The following SCNN1B variants were observed in gnomAD, a reference collection of about 807,000 sequenced individuals.
The protein encoded by SCNN1B is epithelial sodium channel subunit beta.
In SCNN1B, 46 loss-of-function variants were observed where a neutral mutation model predicts 65.3. The ratio of observed to expected loss-of-function variants is 0.70; its 90% confidence interval spans 0.56 to 0.90. The LOEUF (loss-of-function observed/expected upper bound fraction) is 0.90, where lower values mean the gene tolerates loss of function less well. Ranked by LOEUF, SCNN1B falls within the 40% of genes least tolerant of loss-of-function variation. SCNN1B has a pLI of 0.00. For synonymous variants in SCNN1B, 349 were observed against 330.6 expected, an observed-to-expected ratio of 1.06 and a Z score of -0.60; for missense variants, 751 against 830.5, an observed-to-expected ratio of 0.90 and a Z score of 1.18.
intron 2 of SCNN1B, among the ~76,000 whole-genome samples, chr16:23,294,491 C>T (rs957219058): frequency 7.0e-6 from 1 of 143,592 alleles, no homozygotes; most frequent in Non-Finnish European, 1.5e-5. Context: ...CTGAACCCCC[C>T]TCTTAGTCTC....
At chr16:23,360,063 T>TGCAGTGG (rs1962506795) in intron 4 of SCNN1B, among the ~76,000 whole-genome samples, 1 of 151,034 alleles carries the variant, frequency 6.6e-6, no homozygotes, top group Non-Finnish European at 1.5e-5. Context: ...ATTAGCTGGG[T>TGCAGTGG]GCAGTGGCTC....
intron 4 of SCNN1B, among the ~76,000 whole-genome samples, chr16:23,363,817 CA>C (rs113389996): frequency 7.6e-4 from 97 of 127,956 alleles, no homozygotes; most frequent in Non-Finnish European, 7.4e-4. Context: ...CTGTCTCTAC[CA>C]AAAAAAAAAA....
intron 2 of SCNN1B, among the ~76,000 whole-genome samples, chr16:23,283,980 C>T (rs539254315): frequency 1.3e-5 from 2 of 152,304 alleles, no homozygotes; most frequent in East Asian, 1.9e-4. Flanking sequence ...ATTTGGGGAA[C>T]GAAGGACCGC....
At chr16:23,292,579 C>T (rs767456988) in intron 2 of SCNN1B, among the ~76,000 whole-genome samples, 2 of 152,002 alleles carry the variant, frequency 1.3e-5, no homozygotes, top group Non-Finnish European at 2.9e-5. Flanking sequence ...TCATAGTTCA[C>T]TGCAGTGAAT....
intron 1 of SCNN1B, among the ~76,000 whole-genome samples, chr16:23,302,680 C>A (rs1961110297): frequency 2.0e-5 from 3 of 152,126 alleles, no homozygotes. Flanking sequence ...GCAGACGGGG[C>A]CAGGGTCCCC....
At chr16:23,305,565 TATATATATATATTA>T (rs1567290391) in intron 1 of SCNN1B, among the ~76,000 whole-genome samples, 30 of 54,186 alleles carry the variant, frequency 5.5e-4, no homozygotes, top group South Asian at 2.0e-3. Flanking sequence ...TATATATATA[TATATATATATATTA>T]TATATATATA....
intron 4 of SCNN1B, among the ~76,000 whole-genome samples, chr16:23,361,908 C>T (rs1011521443): frequency 6.6e-6 from 1 of 151,916 alleles, no homozygotes; most frequent in African/African-American, 2.4e-5. Flanking sequence ...GAGATGGGGT[C>T]TCCCTATGTT....
At chr16:23,342,232 C>A (rs1962068860) in intron 1 of SCNN1B, among the ~76,000 whole-genome samples, 1 of 152,178 alleles carries the variant, frequency 6.6e-6, no homozygotes, top group Non-Finnish European at 1.5e-5. Context: ...TCAGAAAAGA[C>A]CACACATTGT....
intron 1 of SCNN1B, among the ~76,000 whole-genome samples, chr16:23,331,325 CTTT>C (rs112461468): frequency 3.6e-5 from 5 of 138,140 alleles, no homozygotes; most frequent in Non-Finnish European, 4.7e-5. Flanking sequence ...TTCCTAGTCA[CTTT>C]TTTTTTTTTT....
intron 1 of SCNN1B, among the ~76,000 whole-genome samples, chr16:23,341,675 T>C (rs1962057378): frequency 6.6e-6 from 1 of 152,162 alleles, no homozygotes; most frequent in Non-Finnish European, 1.5e-5. Flanking sequence ...CCAAAGAAGA[T>C]ATACTGGCCA....
intron 1 of SCNN1B, among the ~76,000 whole-genome samples, chr16:23,326,902 C>T (rs528059445): frequency 6.6e-6 from 1 of 152,030 alleles, no homozygotes; most frequent in South Asian, 2.1e-4. Flanking sequence ...CATTCCTAAC[C>T]CCTCTCCTAC....
At position 23,348,639 on chromosome 16, in the gene SCNN1B, C is replaced by G; in HGVS notation, c.40C>G (p.Leu14Val). Residue 14 changes from leucine to valine, a missense_variant, in exon 2 of 13, where the codon CTG becomes GTG. By Grantham distance (32) the Leu-to-Val change is conservative. Transcript: ENST00000343070. The surrounding 1 kb of genome is among the most constrained non-coding windows in gnomAD (Gnocchi z 4.5). ...GTACCTGCTGAAGGGCCTGCATCGG[C>G]TGCAGAAGGGCCCCGGCTACACGTA... ...KKYLLKGLHRLQKGPGYTYKE... is the reference protein window; with the variant it reads ...KKYLLKGLHRVQKGPGYTYKE... 1 of 1,613,498 alleles carries G rather than the reference C, an allele frequency of 6.2e-7. No individual in the cohort carries two copies. Among genetic ancestry groups the G allele is most frequent in the Non-Finnish European group, 8.5e-7 (1 of 1,179,962 alleles).
chr16:23,292,389 G>T (rs561562929), intron 2 of SCNN1B, among the ~76,000 whole-genome samples: 1 of 151,566 alleles, frequency 6.6e-6, no homozygotes, highest in Admixed American at 6.6e-5. Flanking sequence ...AGTAGAGACG[G>T]GGTTTCACTG....
intron 1 of SCNN1B, among the ~76,000 whole-genome samples, chr16:23,309,410 T>TGATAGATAGATAGATAGATA (rs58532372): frequency 1.3e-4 from 19 of 150,934 alleles, no homozygotes; most frequent in South Asian, 2.1e-4. Flanking sequence ...AGATAAATGA[T>TGATAGATAGATAGATAGATA]GATAGATAGA....
At chr16:23,339,523 C>T (rs541461878) in intron 1 of SCNN1B, among the ~76,000 whole-genome samples, 4 of 152,074 alleles carry the variant, frequency 2.6e-5, no homozygotes, top group East Asian at 1.9e-4. Context: ...GCTGGGATTA[C>T]AGGCGTGAAC....
intron 11 of SCNN1B, among the ~76,000 whole-genome samples, chr16:23,379,717 C>A (rs767496284): frequency 6.6e-6 from 1 of 152,144 alleles, no homozygotes; most frequent in Non-Finnish European, 1.5e-5. Flanking sequence ...GAGCTCAGAG[C>A]AGATCTTTGG....
Position 23,356,625 on chromosome 16 carries a change from T to TA in SCNN1B, c.776+1148dup, listed in dbSNP as rs932663480. On this transcript the variant is annotated intron_variant, in intron 4 of 12. Coordinates refer to ENST00000343070, the MANE Select transcript of SCNN1B (RefSeq NM_000336.3). ...GGTGACAGAATGAGACCCTGTCTCT[T>TA]AAAAAAAAAAAACAAAAAACAAAAA... Among the ~76,000 whole-genome samples the TA allele has an allele frequency of 2.4e-3, 104 of 43,842 alleles. No homozygotes were observed. In the East Asian group the frequency reaches 0.048, roughly 20 times the overall value. 28.8% of individuals were successfully genotyped at this position (43,842 alleles called of 152,430 possible). A position where few individuals can be genotyped will look rare whatever the true frequency, so the allele number is the denominator to read the frequency against.
At chr16:23,344,972 C>A (rs938214449) in intron 1 of SCNN1B, among the ~76,000 whole-genome samples, 4 of 151,442 alleles carry the variant, frequency 2.6e-5, no homozygotes, top group African/African-American at 9.7e-5. Context: ...CCAGCCTGGG[C>A]AACAGAGCGA....
At chr16:23,326,320 T>C (rs1961695755) in intron 1 of SCNN1B, among the ~76,000 whole-genome samples, 1 of 152,190 alleles carries the variant, frequency 6.6e-6, no homozygotes, top group African/African-American at 2.4e-5. Flanking sequence ...AAAGCACAGA[T>C]AAACTAAAAC....
Sources: gnomAD v4.1 joint callset for allele counts (sites outside exome capture counted in the v4.1 genomes callset) on GRCh38, gnomAD v4.1.1 for gene constraint, Gnocchi (gnomAD v3.1) non-coding constraint, MANE v1.5 for transcripts, NCBI Gene and HGNC (gene_info 2026-07-23, HGNC 2026-07-21) for gene names.